NRG3: variants seen among roughly 807,000 people sequenced by gnomAD.
The protein encoded by NRG3 is neuregulin 3.
In NRG3, 31 loss-of-function variants were observed where a neutral mutation model predicts 66.9. The ratio of observed to expected loss-of-function variants is 0.46; its 90% confidence interval spans 0.35 to 0.63. The LOEUF (loss-of-function observed/expected upper bound fraction) is 0.63. Ranked by LOEUF, NRG3 falls within the 20% of genes least tolerant of loss-of-function variation. The pLI is 0.00. For missense variants in NRG3, 910 were observed against 878.9 expected (o/e 1.04, Z -0.45); for synonymous variants, 393 against 359.4 (o/e 1.09, Z -1.06).
chr10:82,183,404 A>G lies in NRG3; in HGVS notation c.824-175335A>G, dbSNP rs144230671. Among the ~76,000 whole-genome samples the G allele has an allele frequency of 1.9e-3, 296 of 152,006 alleles. 3 individuals are homozygous for G. The highest frequency in any genetic ancestry group is 6.6e-3 in the African/African-American group (272 of 41,474). ...CCTTTCTTTGGGTTCGTTAACTCAT[A>G]TATCTCCTTAGTCAAGTCAGCTGTT... is the stretch of plus-strand genomic sequence containing the variant. On this transcript the variant is annotated intron_variant, in intron 1 of 8. Coordinates refer to ENST00000372141, the MANE Select transcript of NRG3 (RefSeq NM_001010848.4).
intron 2 of NRG3, among the ~76,000 whole-genome samples, chr10:82,441,597 C>G (rs2090434492): frequency 1.3e-5 from 2 of 152,136 alleles, no homozygotes; most frequent in African/African-American, 2.4e-5. Context: ...CCGGCCCGCA[C>G]AGCGATGAGA....
chr10:82,518,931 C>T (rs1308520220), intron 2 of NRG3, among the ~76,000 whole-genome samples: 2 of 152,270 alleles, frequency 1.3e-5, no homozygotes, highest in Middle Eastern at 3.4e-3. Context: ...GAAGCCAGCT[C>T]AGTAGAGGTC....
intron 2 of NRG3, among the ~76,000 whole-genome samples, chr10:82,398,640 G>A (rs777189093): frequency 3.9e-5 from 6 of 152,022 alleles, no homozygotes; most frequent in Non-Finnish European, 8.8e-5. Context: ...TAAACAAACC[G>A]ACATTTTAAC....
Position 82,315,041 on chromosome 10 carries a change from TA to T in NRG3, c.824-43696del, listed in dbSNP as rs1257811051. ...ACCTGTATATTTACCTGAATTATGGTAATAAATATAGATACAGATTTTTGTT... is the reference window on the plus strand; with the variant it reads ...ACCTGTATATTTACCTGAATTATGGTATAAATATAGATACAGATTTTTGTT... On this transcript the variant is annotated intron_variant, in intron 1 of 8. Coordinates refer to ENST00000372141, the MANE Select transcript of NRG3 (RefSeq NM_001010848.4). 2.0e-5 allele frequency among the ~76,000 whole-genome samples: 3 copies of T among 152,286 alleles called. No homozygotes were observed. In the East Asian group the frequency reaches 5.8e-4, roughly 29 times the overall value.
intron 1 of NRG3, among the ~76,000 whole-genome samples, chr10:81,914,769 C>CAAAAA (rs58460918): frequency 0.021 from 1,387 of 66,944 alleles, 38 homozygotes; most frequent in African/African-American, 0.049. Flanking sequence ...AAACAGAAAG[C>CAAAAA]AAAAAAAAAA....
intron 3 of NRG3, among the ~76,000 whole-genome samples, chr10:82,836,382 G>T (rs2062776825): frequency 6.6e-6 from 1 of 152,180 alleles, no homozygotes; most frequent in Admixed American, 6.6e-5. Context: ...TATTCTAGAA[G>T]TTCAAGGACA....
At position 82,658,487 on chromosome 10, in the gene NRG3, G is replaced by T. The variant is rs187853177; in HGVS notation, c.954-80090G>T. 9.2e-5 allele frequency among the ~76,000 whole-genome samples: 14 copies of T among 151,896 alleles called. No individual in the cohort carries two copies. The East Asian group carries it at 2.7e-3, about 29-fold the overall frequency. ...GTTTGTTCCTTAAGATCAGGATTCA[G>T]ACAATATGTTCATATTTACCACTTC... On this transcript the variant is annotated intron_variant, in intron 2 of 8. Coordinates refer to ENST00000372141, the MANE Select transcript of NRG3 (RefSeq NM_001010848.4).
chr10:81,961,130 T>C (rs1850318454), intron 1 of NRG3, among the ~76,000 whole-genome samples: 1 of 152,144 alleles, frequency 6.6e-6, no homozygotes, highest in Non-Finnish European at 1.5e-5. Context: ...AGGTGTGACT[T>C]GGGTTTGGAA....
At chr10:82,384,654 C>A (rs1267452849) in intron 2 of NRG3, among the ~76,000 whole-genome samples, 1 of 152,096 alleles carries the variant, frequency 6.6e-6, no homozygotes, top group Non-Finnish European at 1.5e-5. Flanking sequence ...GTATATGTGC[C>A]ACATTTTCTT....
chr10:82,229,832 G>A (rs2076364365), intron 1 of NRG3, among the ~76,000 whole-genome samples: 1 of 152,034 alleles, frequency 6.6e-6, no homozygotes, highest in Non-Finnish European at 1.5e-5. Flanking sequence ...GGAAAGAATA[G>A]TAGAAAAGAA....
chr10:82,069,924 A>G (rs74568302), intron 1 of NRG3, among the ~76,000 whole-genome samples: 1,894 of 152,284 alleles, frequency 0.012, 52 homozygotes, highest in African/African-American at 0.043. Flanking sequence ...CTCTCTTATT[A>G]ATAGTCTGTC....
At chr10:82,416,679 A>G (rs946731619) in intron 2 of NRG3, among the ~76,000 whole-genome samples, 1 of 151,856 alleles carries the variant, frequency 6.6e-6, no homozygotes, top group African/African-American at 2.4e-5. Context: ...ATATAGCAAT[A>G]CCTCTTATAT....
chr10:81,980,074 G>A (rs957583850), intron 1 of NRG3, among the ~76,000 whole-genome samples: 1 of 152,194 alleles, frequency 6.6e-6, no homozygotes, highest in Non-Finnish European at 1.5e-5. Flanking sequence ...ATAGGTAAAT[G>A]AGTAAGGATG....
At chr10:81,877,347 C>G (rs946354058) in intron 1 of NRG3, among the ~76,000 whole-genome samples, 1 of 152,124 alleles carries the variant, frequency 6.6e-6, no homozygotes, top group African/African-American at 2.4e-5. Context: ...CCCCAGGCTG[C>G]TAGTTCAAGT....
At chr10:82,073,523 CAG>C (rs2064923214) in intron 1 of NRG3, among the ~76,000 whole-genome samples, 4 of 152,010 alleles carry the variant, frequency 2.6e-5, no homozygotes, top group Non-Finnish European at 5.9e-5. Flanking sequence ...ATATCTGTGC[CAG>C]TGACCTACAT....
intron 2 of NRG3, among the ~76,000 whole-genome samples, chr10:82,690,266 G>GGCCT (rs1565206091): frequency 7.6e-5 from 10 of 132,376 alleles, no homozygotes; most frequent in African/African-American, 2.6e-4. Flanking sequence ...CTTAAACTTA[G>GGCCT]AATTGGCCAC....
chr10:82,439,851 A>T (rs1014781592), intron 2 of NRG3, among the ~76,000 whole-genome samples: 1 of 152,056 alleles, frequency 6.6e-6, no homozygotes, highest in Non-Finnish European at 1.5e-5. Flanking sequence ...TAGTATGTAT[A>T]TCATGTTTTT....
intron 2 of NRG3, among the ~76,000 whole-genome samples, chr10:82,418,398 G>A (rs554461605): frequency 4.5e-4 from 66 of 145,766 alleles, no homozygotes; most frequent in Admixed American, 3.8e-3. Context: ...TTATGCAAAT[G>A]TTTATGCAAA....
chr10:82,520,699 C>A (rs1413532115), intron 2 of NRG3, among the ~76,000 whole-genome samples: 2 of 152,268 alleles, frequency 1.3e-5, no homozygotes, highest in Admixed American at 6.5e-5. Flanking sequence ...GACTGTCGAA[C>A]ATTATTCTTC....
Sources: gnomAD v4.1 joint callset for allele counts (sites outside exome capture counted in the v4.1 genomes callset) on GRCh38, gnomAD v4.1.1 for gene constraint, MANE v1.5 for transcripts, NCBI Gene and HGNC (gene_info 2026-07-23, HGNC 2026-07-21) for gene names.